Variants in COL5A1 observed in about 807,000 individuals in gnomAD.
The protein encoded by COL5A1 is collagen type V alpha 1 chain.
Under a neutral mutation model 263.7 loss-of-function variants are expected in COL5A1, and 16 were observed. The observed-to-expected ratio is 0.06, with a 90% CI of 0.04 to 0.09. COL5A1 has a LOEUF of 0.09. Ranked by LOEUF, COL5A1 falls within the 10% of genes least tolerant of loss-of-function variation. COL5A1 has a pLI of 1.00. For missense variants in COL5A1, 2,036 were observed against 2,540.5 expected, an observed-to-expected ratio of 0.80 and a Z score of 4.27; for synonymous variants, 1,012 against 1,004.5, an observed-to-expected ratio of 1.01 and a Z score of -0.14.
At chr9:134,822,388 C>G (rs1839044489) in intron 59 of COL5A1, among the ~76,000 whole-genome samples, 1 of 152,178 alleles carries the variant, frequency 6.6e-6, no homozygotes. Flanking sequence ...GAAACGGTGG[C>G]CATTTCAGGG....
Position 134,647,086 on chromosome 9 carries a change from G to A in COL5A1, c.109+4790G>A, listed in dbSNP as rs1275338150. Among the ~76,000 whole-genome samples the A allele has an allele frequency of 6.6e-6, 1 of 152,194 alleles. No individual in the cohort carries two copies. Among genetic ancestry groups the A allele is most frequent in the Non-Finnish European group, 1.5e-5 (1 of 68,032 alleles). On this transcript the variant is annotated intron_variant, in intron 1 of 65. Transcript: ENST00000371817. This position sits in a 1 kb window ranked among gnomAD's most constrained non-coding sequence, Gnocchi z 5.0. The stretch of plus-strand genomic sequence containing the variant: ...CGCCCCCATCTTCAGTGGTGGTTTT[G>A]CAGGAGGAAAGAGCAGTGTTCCCAC...
Position 134,642,431 on chromosome 9 carries a change from C to A in COL5A1, c.109+135C>A, listed in dbSNP as rs996525511. 9.7e-6 allele frequency: 2 copies of A among 206,996 alleles called. No individual in the cohort carries two copies. Among genetic ancestry groups the A allele is most frequent in the Non-Finnish European group, 1.9e-5 (2 of 106,428 alleles). 12.8% of individuals were successfully genotyped at this position (206,996 alleles called of 1,614,324 possible). On this transcript the variant is annotated intron_variant, in intron 1 of 65. Transcript: ENST00000371817. This position sits in a 1 kb window ranked among gnomAD's most constrained non-coding sequence, Gnocchi z 4.5. ...AATGCACGGGCCAAGACCACGAATG[C>A]CATTTGCTGGGGGCCCCCCCGAGAT... is the stretch of plus-strand genomic sequence containing the variant.
Position 134,772,717 on chromosome 9 carries a change from G to A in COL5A1, c.2287-73G>A, listed in dbSNP as rs190255610. On this transcript the variant is annotated intron_variant, in intron 25 of 65. Transcript: ENST00000371817. ...TGGGCTCCATGATCATGGATGCTAC[G>A]CAGGGAGGGGAAGCGAGGGAGGCTG... 307 of 1,441,318 alleles carry A rather than the reference G, an allele frequency of 2.1e-4. 2 individuals are homozygous for A. The highest frequency in any genetic ancestry group is 1.3e-3 in the South Asian group (115 of 87,600). 89.3% of individuals were successfully genotyped at this position (1,441,318 alleles called of 1,614,324 possible).
intron 11 of COL5A1, among the ~76,000 whole-genome samples, chr9:134,740,112 G>C (rs568222764): frequency 6.6e-6 from 1 of 152,312 alleles, no homozygotes; most frequent in African/African-American, 2.4e-5. Flanking sequence ...AGAGTGGGGT[G>C]GGGGCTTGGC....
At chr9:134,767,478 G>T (rs1016073727) in intron 24 of COL5A1, 124 bp downstream of exon 24, 2 of 892,594 alleles carry the variant, frequency 2.2e-6, no homozygotes. Flanking sequence ...CCCAAGAGAC[G>T]CCAAAGCTCA....
In COL5A1 at chr9:134,686,280, G is replaced by A. The variant is rs939294661; in HGVS notation, c.110-4632G>A. ...TTCTCTTCCTTTTTTTCGAGACCAGGTTATGCTCTGTCACCCAAGCTGGAG... is the reference window on the plus strand; with the variant it reads ...TTCTCTTCCTTTTTTTCGAGACCAGATTATGCTCTGTCACCCAAGCTGGAG... On this transcript the variant is annotated intron_variant, in intron 1 of 65. Transcript: ENST00000371817. This position sits in a 1 kb window ranked among gnomAD's most constrained non-coding sequence, Gnocchi z 4.6. 6.6e-6 allele frequency among the ~76,000 whole-genome samples: 1 copy of A among 151,216 alleles called. No individual in the cohort carries two copies. Among genetic ancestry groups the A allele is most frequent in the Non-Finnish European group, 1.5e-5 (1 of 67,878 alleles).
chr9:134,812,342 C>T lies in COL5A1; in HGVS notation c.3691-107C>T, dbSNP rs1019446062. 5 of 1,187,910 alleles carry T rather than the reference C, an allele frequency of 4.2e-6. No homozygotes were observed. The African/African-American group carries it at 7.5e-5, about 18-fold the overall frequency. The allele number at this position is 1,187,910 out of a possible 1,614,324, so 73.6% of individuals were successfully genotyped here. A position where few individuals can be genotyped will look rare whatever the true frequency, so the allele number is the denominator to read the frequency against. ...TGCACAGAGAAGCACCTTCCCGGGG[C>T]TTCGGGGGCTCAGTGGTGCTGTGTG... On this transcript the variant is annotated intron_variant, in intron 46 of 65. Coordinates refer to ENST00000371817, the MANE Select transcript of COL5A1 (RefSeq NM_000093.5).
In COL5A1 at chr9:134,804,920, G is replaced by A. The variant is rs568516706; in HGVS notation, c.3115-55G>A. On this transcript the variant is annotated intron_variant, in intron 39 of 65. Coordinates refer to ENST00000371817, the MANE Select transcript of COL5A1 (RefSeq NM_000093.5). ...AGCCCTTGGCTTCGCTCTGGGGCTG[G>A]TGAGAGGTCTGCGTCACTGGCTCCA... 86 of 1,489,662 alleles carry A rather than the reference G, an allele frequency of 5.8e-5. 1 individual carries two copies. In the African/African-American group the frequency reaches 7.9e-4, roughly 14 times the overall value. The allele number at this position is 1,489,662 out of a possible 1,614,324, so 92.3% of individuals were successfully genotyped here.
intron 52 of COL5A1, among the ~76,000 whole-genome samples, chr9:134,816,747 G>A (rs1838761856): frequency 6.6e-6 from 1 of 152,242 alleles, no homozygotes; most frequent in Non-Finnish European, 1.5e-5. Context: ...AGGTTGTGGT[G>A]GGGACCGAAC....
chr9:134,660,204 A>G (rs1436635501), intron 1 of COL5A1, among the ~76,000 whole-genome samples: 1 of 152,228 alleles, frequency 6.6e-6, no homozygotes, highest in African/African-American at 2.4e-5. Flanking sequence ...TCCTATTAGC[A>G]GAACGATGTG....
intron 4 of COL5A1, among the ~76,000 whole-genome samples, chr9:134,703,902 G>A (rs2132579440): frequency 6.6e-6 from 1 of 152,228 alleles, no homozygotes; most frequent in Non-Finnish European, 1.5e-5. Flanking sequence ...GCCTCCCACA[G>A]TGCTGGGATT....
At chr9:134,761,110 C>G (rs900933135) in intron 18 of COL5A1, among the ~76,000 whole-genome samples, 1 of 146,022 alleles carries the variant, frequency 6.8e-6, no homozygotes, top group Non-Finnish European at 1.5e-5. Context: ...ATGCACACAA[C>G]CCACACATGC....
intron 11 of COL5A1, among the ~76,000 whole-genome samples, chr9:134,745,682 C>T (rs1013172493): frequency 6.6e-6 from 1 of 152,130 alleles, no homozygotes; most frequent in Non-Finnish European, 1.5e-5. Flanking sequence ...TCTCAATGAA[C>T]GAACGAATGG....
chr9:134,682,952 A>C lies in COL5A1; in HGVS notation c.110-7960A>C, dbSNP rs1359456729. Among the ~76,000 whole-genome samples, 1 of 152,190 alleles carries C rather than the reference A, an allele frequency of 6.6e-6. No homozygotes were observed. The highest frequency in any genetic ancestry group is 2.4e-5 in the African/African-American group (1 of 41,454). On this transcript the variant is annotated intron_variant, in intron 1 of 65. Coordinates refer to ENST00000371817, the MANE Select transcript of COL5A1 (RefSeq NM_000093.5). This position sits in a 1 kb window ranked among gnomAD's most constrained non-coding sequence, Gnocchi z 5.1. ...AAGATATTGAACTTGTTTAGGGGAA[A>C]AAAAGGAATTAGAGAAAAAGATCCA... is the stretch of plus-strand genomic sequence containing the variant.
chr9:134,652,708 C>G lies in COL5A1; in HGVS notation c.109+10412C>G, dbSNP rs1564366158. On this transcript the variant is annotated intron_variant, in intron 1 of 65. Coordinates refer to ENST00000371817, the MANE Select transcript of COL5A1 (RefSeq NM_000093.5). The surrounding 1 kb of genome is among the most constrained non-coding windows in gnomAD (Gnocchi z 4.4). ...CAAAGGTGAGATTCCGTGGCCTCAC[C>G]CCATGGTCTTCTCATGGCTCATTGT... 1 of 470,886 alleles carries G rather than the reference C, an allele frequency of 2.1e-6. No individual in the cohort carries two copies. The highest frequency in any genetic ancestry group is 4.4e-6 in the Non-Finnish European group (1 of 226,948). The allele number at this position is 470,886 out of a possible 1,614,324, so 29.2% of individuals were successfully genotyped here. A position where few individuals can be genotyped will look rare whatever the true frequency, so the allele number is the denominator to read the frequency against.
intron 65 of COL5A1, among the ~76,000 whole-genome samples, chr9:134,838,058 G>A (rs1839905162): frequency 6.6e-6 from 1 of 152,172 alleles, no homozygotes; most frequent in African/African-American, 2.4e-5. Flanking sequence ...TCCGAGAACT[G>A]GGCTCAAGTC....
intron 6 of COL5A1, 106 bp from the exon 7 acceptor site, chr9:134,730,130 G>C: frequency 6.5e-7 from 1 of 1,527,690 alleles, no homozygotes; most frequent in Non-Finnish European, 9.0e-7. Flanking sequence ...CTGGGCTCCA[G>C]GCGTTGCCAC....
chr9:134,667,065 A>T (rs1832382787), intron 1 of COL5A1, among the ~76,000 whole-genome samples: 1 of 152,190 alleles, frequency 6.6e-6, no homozygotes, highest in South Asian at 2.1e-4. Flanking sequence ...CATAATGACG[A>T]GCTTGTTTTA....
At chr9:134,823,802 C>T (rs537768490) in intron 61 of COL5A1, among the ~76,000 whole-genome samples, 26 of 152,196 alleles carry the variant, frequency 1.7e-4, no homozygotes, top group South Asian at 6.2e-4. Flanking sequence ...TGTATGTGTA[C>T]GTGCATCCTG....
Sources: allele counts gnomAD v4.1 joint callset (sites outside exome capture counted in the v4.1 genomes callset), GRCh38; gene constraint gnomAD v4.1.1; non-coding constraint Gnocchi (gnomAD v3.1); transcripts MANE v1.5; gene names NCBI Gene and HGNC (gene_info 2026-07-23, HGNC 2026-07-21).